The following ITGBL1 variants were observed in gnomAD, a reference collection of about 807,000 sequenced individuals.
ITGBL1 encodes integrin subunit beta like 1, also known as integrin beta-like protein 1.
ITGBL1 carries 51 observed loss-of-function variants against 68.5 expected under a neutral mutation model. The observed-to-expected ratio is 0.74, with a 90% CI of 0.59 to 0.94. The LOEUF (loss-of-function observed/expected upper bound fraction) is 0.94, where lower values mean the gene tolerates loss of function less well. Ranked by LOEUF, ITGBL1 falls within the 40% of genes least tolerant of loss-of-function variation. ITGBL1 has a pLI of 0.00. For synonymous variants in ITGBL1, 209 were observed against 227.3 expected, an observed-to-expected ratio of 0.92 and a Z score of 0.72; for missense variants, 649 against 647.4, an observed-to-expected ratio of 1.00 and a Z score of -0.03.
chr13:101,574,561 A>G (rs961066476), intron 3 of ITGBL1, among the ~76,000 whole-genome samples: 26 of 152,286 alleles, frequency 1.7e-4, no homozygotes, highest in Non-Finnish European at 3.1e-4. Flanking sequence ...TTCAGAGTCC[A>G]GGGTGGTTTC....
At position 101,554,834 on chromosome 13, in the gene ITGBL1, G is replaced by A. The variant is rs1289147867; in HGVS notation, c.317-12865G>A. 2.6e-5 allele frequency among the ~76,000 whole-genome samples: 4 copies of A among 152,110 alleles called. No individual in the cohort carries two copies. The East Asian group carries it at 7.7e-4, about 29-fold the overall frequency. On this transcript the variant is annotated intron_variant, in intron 2 of 10. Transcript: ENST00000376180. ...TCTCATACTGGCATCACATTTTTCTGAATAATAGTGTCCTTTTCATTTAAA... is the reference window on the plus strand; with the variant it reads ...TCTCATACTGGCATCACATTTTTCTAAATAATAGTGTCCTTTTCATTTAAA...
chr13:101,714,664 G>A (rs866454560), intron 10 of ITGBL1, 113 bp downstream of exon 10: 4 of 692,684 alleles, frequency 5.8e-6, no homozygotes, highest in Middle Eastern at 2.5e-4. Flanking sequence ...CCGTGAATAT[G>A]AAATATCTAC....
chr13:101,506,150 C>G (rs900342933), intron 2 of ITGBL1, among the ~76,000 whole-genome samples: 1 of 152,168 alleles, frequency 6.6e-6, no homozygotes, highest in Admixed American at 6.5e-5. Context: ...AAGAATACTT[C>G]AGATGTCCTA....
At chr13:101,703,408 G>C (rs2034181104) in intron 8 of ITGBL1, among the ~76,000 whole-genome samples, 1 of 152,194 alleles carries the variant, frequency 6.6e-6, no homozygotes, top group Non-Finnish European at 1.5e-5. Flanking sequence ...TGGTTAAAGG[G>C]AGAAGAGAAG....
At chr13:101,547,440 A>C (rs2049845632) in intron 2 of ITGBL1, among the ~76,000 whole-genome samples, 1 of 151,918 alleles carries the variant, frequency 6.6e-6, no homozygotes, top group Non-Finnish European at 1.5e-5. Flanking sequence ...TTTAGTAAGA[A>C]AAATATTTTA....
intron 7 of ITGBL1, among the ~76,000 whole-genome samples, chr13:101,604,887 T>TATATATATATATATATATATATATACAC: frequency 9.0e-5 from 2 of 22,164 alleles, no homozygotes; most frequent in Non-Finnish European, 1.6e-4. Flanking sequence ...TATATATATA[T>TATATATATATATATATATATATATACAC]ACACACACAC....
At chr13:101,700,383 T>C (rs767802476) in intron 8 of ITGBL1, among the ~76,000 whole-genome samples, 41 of 152,194 alleles carry the variant, frequency 2.7e-4, no homozygotes, top group African/African-American at 8.2e-4. Context: ...ATCACCAAAA[T>C]AGATTTCCAT....
chr13:101,479,061 A>G lies in ITGBL1; in HGVS notation c.316+24961A>G, dbSNP rs542483381. Among the ~76,000 whole-genome samples the G allele has an allele frequency of 2.0e-5, 3 of 152,108 alleles. No homozygotes were observed. The South Asian group carries it at 6.2e-4, about 32-fold the overall frequency. ...TCATATTACCTGACTTCAAATTATA[A>G]CACAGAGCTATAGTAACCCAAATAG... On this transcript the variant is annotated intron_variant, in intron 2 of 10. Transcript: ENST00000376180.
At chr13:101,478,639 A>T (rs1157155451) in intron 2 of ITGBL1, among the ~76,000 whole-genome samples, 2 of 152,134 alleles carry the variant, frequency 1.3e-5, no homozygotes, top group African/African-American at 4.8e-5. Context: ...GTTTCAGGAT[A>T]TAAAATCAAA....
intron 8 of ITGBL1, among the ~76,000 whole-genome samples, chr13:101,701,510 A>T (rs2034135672): frequency 6.6e-6 from 1 of 152,250 alleles, no homozygotes; most frequent in East Asian, 1.9e-4. Flanking sequence ...CAGCCTGGTG[A>T]CAGAGCAAGA....
intron 2 of ITGBL1, among the ~76,000 whole-genome samples, chr13:101,550,919 T>G (rs2049910643): frequency 1.3e-5 from 2 of 152,236 alleles, no homozygotes; most frequent in South Asian, 4.1e-4. Context: ...AGTTCAAGCC[T>G]ACTTAAAACT....
intron 3 of ITGBL1, among the ~76,000 whole-genome samples, chr13:101,571,156 A>G (rs193183294): frequency 6.6e-6 from 1 of 152,126 alleles, no homozygotes; most frequent in Admixed American, 6.6e-5. Context: ...CCATTTTCAC[A>G]GGGAGAACCC....
chr13:101,489,039 T>G (rs2139055647), intron 2 of ITGBL1, among the ~76,000 whole-genome samples: 2 of 152,340 alleles, frequency 1.3e-5, no homozygotes, highest in Middle Eastern at 3.4e-3. Context: ...AAGATAAATT[T>G]CTTAATGCTA....
In ITGBL1 at chr13:101,452,809, G is replaced by GC; in HGVS notation, c.-22dup. The GC allele has an allele frequency of 6.2e-7, 1 of 1,601,070 alleles. No homozygotes were observed. The highest frequency in any genetic ancestry group is 1.1e-5 in the South Asian group (1 of 90,788). On this transcript the variant is annotated 5_prime_UTR_variant, in exon 1 of 11. Coordinates refer to ENST00000376180, the MANE Select transcript of ITGBL1 (RefSeq NM_004791.3). ...ACCCCACCTTGCAGAAGTGCAGCTC[G>GC]CCCGGAGCAGCCCAGGAGCTCAGCA...
intron 3 of ITGBL1, among the ~76,000 whole-genome samples, chr13:101,574,795 C>A (rs372124765): frequency 1.2e-4 from 18 of 152,158 alleles, no homozygotes; most frequent in African/African-American, 4.1e-4. Context: ...TACCATGCCT[C>A]TCTAACGTGG....
At chr13:101,455,550 C>G (rs2048232071) in intron 2 of ITGBL1, among the ~76,000 whole-genome samples, 1 of 152,050 alleles carries the variant, frequency 6.6e-6, no homozygotes, top group Non-Finnish European at 1.5e-5. Flanking sequence ...GCCTGTAATC[C>G]CAGCTACTTG....
rs191972766 is a variant in ITGBL1, at chr13:101,705,358, C to T, written c.1133-1398C>T. 2.2e-3 allele frequency among the ~76,000 whole-genome samples: 327 copies of T among 150,400 alleles called. 3 individuals are homozygous for T. The highest frequency in any genetic ancestry group is 0.014 in the Middle Eastern group (4 of 286). On this transcript the variant is annotated intron_variant, in intron 8 of 10. Coordinates refer to ENST00000376180, the MANE Select transcript of ITGBL1 (RefSeq NM_004791.3). ...TTTCCAAGAAACCCTCTCCAGGAGA[C>T]TTCTGCTTACCTCTCAGTGATCAAA... is the stretch of plus-strand genomic sequence containing the variant.
chr13:101,582,008 C>T (rs2139286771), intron 5 of ITGBL1, among the ~76,000 whole-genome samples: 1 of 152,320 alleles, frequency 6.6e-6, no homozygotes, highest in East Asian at 1.9e-4. Context: ...AGATCTGCCA[C>T]TGCTACCCAC....
In ITGBL1 at chr13:101,452,719, C is replaced by A; in HGVS notation, c.-115C>A. Reference sequence around the variant, plus strand: ...GCCCCGGACCTGCAAGCCTGGGTGTCCGTGGGTCCGTCTGCCCAGCCATCT... The same window carrying A: ...GCCCCGGACCTGCAAGCCTGGGTGTACGTGGGTCCGTCTGCCCAGCCATCT... On this transcript the variant is annotated 5_prime_UTR_variant, in exon 1 of 11. Coordinates refer to ENST00000376180, the MANE Select transcript of ITGBL1 (RefSeq NM_004791.3). The A allele has an allele frequency of 1.3e-6, 1 of 781,776 alleles. No homozygotes were observed. Among genetic ancestry groups the A allele is most frequent in the South Asian group, 1.5e-5 (1 of 66,468 alleles). 48.4% of individuals were successfully genotyped at this position (781,776 alleles called of 1,614,324 possible). A position where few individuals can be genotyped will look rare whatever the true frequency, so the allele number is the denominator to read the frequency against.
Sources: allele counts gnomAD v4.1 joint callset (sites outside exome capture counted in the v4.1 genomes callset), GRCh38; gene constraint gnomAD v4.1.1; transcripts MANE v1.5; gene names NCBI Gene and HGNC (gene_info 2026-07-23, HGNC 2026-07-21).